The following CLEC4C variants were observed in gnomAD, a reference collection of about 807,000 sequenced individuals.
CLEC4C encodes the protein C-type (calcium dependent, carbohydrate-recognition domain) lectin, superfamily member 11.
In CLEC4C, 17 loss-of-function variants were observed where a neutral mutation model predicts 27.7. The observed-to-expected ratio is 0.61, with a 90% CI of 0.42 to 0.92. The LOEUF (loss-of-function observed/expected upper bound fraction) is 0.92. Among genes scored for constraint, CLEC4C ranks in the 40% least tolerant of loss-of-function variants. The probability of loss-of-function intolerance (pLI) is 0.00; values close to 1 mark genes in which losing one functional copy is unlikely to be tolerated. For missense variants in CLEC4C, 244 were observed against 257.3 expected (o/e 0.95, Z 0.35); for synonymous variants, 80 against 80.8 (o/e 0.99, Z 0.06).
At chr12:7,732,729 G>A (rs762460914) in intron 4 of CLEC4C, among the ~76,000 whole-genome samples, 3 of 151,632 alleles carry the variant, frequency 2.0e-5, no homozygotes, top group Non-Finnish European at 4.4e-5. Context: ...TTGGGAGGCT[G>A]AGGATGGCGG....
upstream of CLEC4C, among the ~76,000 whole-genome samples, chr12:7,748,931 G>A (rs1233609334): frequency 6.6e-6 from 1 of 152,232 alleles, no homozygotes; most frequent in Non-Finnish European, 1.5e-5. Context: ...TATGACCAGA[G>A]TATTGCAAAA....
chr12:7,730,661 C>G (rs76691875), intron 5 of CLEC4C, 136 bp downstream of exon 5: 1 of 371,522 alleles, frequency 2.7e-6, no homozygotes, highest in Middle Eastern at 8.5e-4. Flanking sequence ...AAAAAAAGCA[C>G]AACCCTTGAT....
chr12:7,747,922 CAA>C (rs36046177), upstream of CLEC4C, among the ~76,000 whole-genome samples: 1 of 104,914 alleles, frequency 9.5e-6, no homozygotes. Flanking sequence ...ACTCCATCTC[CAA>C]AAAAAAAAAA....
chr12:7,739,842 G>A (rs974803584), intron 3 of CLEC4C, among the ~76,000 whole-genome samples: 8 of 139,818 alleles, frequency 5.7e-5, no homozygotes, highest in South Asian at 2.4e-4. Context: ...ACCATAGCTC[G>A]GTAATTTTTT....
At chr12:7,732,714 G>A (rs1224880473) in intron 4 of CLEC4C, among the ~76,000 whole-genome samples, 1 of 151,526 alleles carries the variant, frequency 6.6e-6, no homozygotes, top group Non-Finnish European at 1.5e-5. Flanking sequence ...TATAATCCAA[G>A]CATTTTGGGA....
At chr12:7,739,434 T>C (rs1322213651) in intron 3 of CLEC4C, among the ~76,000 whole-genome samples, 2 of 150,474 alleles carry the variant, frequency 1.3e-5, no homozygotes, top group South Asian at 2.1e-4. Flanking sequence ...AAATAATTGT[T>C]TGATGCCCTT....
chr12:7,735,462 C>T (rs796121280), intron 4 of CLEC4C, among the ~76,000 whole-genome samples: 27 of 149,014 alleles, frequency 1.8e-4, no homozygotes, highest in African/African-American at 6.2e-4. Context: ...GAGATCTTGC[C>T]ACTGCACTCC....
In CLEC4C at chr12:7,730,363, G is replaced by A. The variant is rs764560762; in HGVS notation, c.497+434C>T. Among the ~76,000 whole-genome samples the A allele has an allele frequency of 7.9e-5, 12 of 152,246 alleles. No individual in the cohort carries two copies. In the East Asian group the frequency reaches 2.3e-3, roughly 29 times the overall value. Reference sequence around the variant, plus strand: ...TTTGTAAAGAAATACATAAATGGCCGGGGATGGTGGCTCACACCTGTAATC... The same window carrying A: ...TTTGTAAAGAAATACATAAATGGCCAGGGATGGTGGCTCACACCTGTAATC... On this transcript the variant is annotated intron_variant, in intron 5 of 5. Transcript: ENST00000360345.
At chr12:7,740,910 G>A (rs964043219) in intron 3 of CLEC4C, among the ~76,000 whole-genome samples, 1 of 150,530 alleles carries the variant, frequency 6.6e-6, no homozygotes, top group Non-Finnish European at 1.5e-5. Context: ...GCGCGATCTC[G>A]GCTCACTGCA....
chr12:7,745,472 A>T (rs1337512487), intron 2 of CLEC4C, among the ~76,000 whole-genome samples: 1 of 107,180 alleles, frequency 9.3e-6, no homozygotes, highest in Non-Finnish European at 1.7e-5. Context: ...TCACTCTGTC[A>T]CCCAGGCTGG....
intron 3 of CLEC4C, 46 bp downstream of exon 3, chr12:7,741,375 T>C (rs746065397): frequency 2.7e-5 from 28 of 1,048,534 alleles, no homozygotes; most frequent in African/African-American, 3.1e-5. Flanking sequence ...GACTAGGAAT[T>C]TGATTAATAG....
At chr12:7,745,584 C>T (rs887025932) in intron 2 of CLEC4C, among the ~76,000 whole-genome samples, 1 of 151,538 alleles carries the variant, frequency 6.6e-6, no homozygotes, top group African/African-American at 2.4e-5. Context: ...AGGCGCGAGT[C>T]ACTGCACCCA....
Position 7,746,407 on chromosome 12 carries a change from C to T in CLEC4C, c.48G>A (p.Trp16Ter). 6.2e-7 allele frequency: 1 copy of T among 1,612,322 alleles called. No homozygotes were observed. The highest frequency in any genetic ancestry group is 8.5e-7 in the Non-Finnish European group (1 of 1,178,482). Residue 16 changes from tryptophan (W) to a stop codon, truncating the protein, a stop_gained, in exon 2 of 6, where the codon TGG becomes TGA. Transcript: ENST00000360345. LOFTEE classifies it high-confidence loss of function. Reference protein sequence around the residue: ...EPQDREKGLWWFQLKVWSMAV... With the variant: ...EPQDREKGLW ...CCATGGACCAGACCTTCAACTGGAA[C>T]CACCAGAGTCCTTTCTCTGTCAGAT...
intron 4 of CLEC4C, among the ~76,000 whole-genome samples, chr12:7,735,749 G>C (rs1864711531): frequency 6.6e-6 from 1 of 151,662 alleles, no homozygotes; most frequent in African/African-American, 2.4e-5. Context: ...GTTGCAGTGA[G>C]CTGAGATCGA....
intron 4 of CLEC4C, among the ~76,000 whole-genome samples, chr12:7,732,766 T>C (rs1372172917): frequency 6.6e-6 from 1 of 150,724 alleles, no homozygotes; most frequent in Non-Finnish European, 1.5e-5. Flanking sequence ...ATCAAGACCA[T>C]ACTGGCTAAC....
chr12:7,730,415 T>C (rs1864569815), intron 5 of CLEC4C, among the ~76,000 whole-genome samples: 1 of 152,110 alleles, frequency 6.6e-6, no homozygotes, highest in African/African-American at 2.4e-5. Context: ...CCAAGGCAGG[T>C]GGATCACTTG....
intron 3 of CLEC4C, 129 bp downstream of exon 3, chr12:7,741,292 A>G: frequency 1.6e-6 from 1 of 627,528 alleles, no homozygotes; most frequent in East Asian, 2.7e-5. Flanking sequence ...GATACCAAGT[A>G]GATAGTTAAA....
intron 4 of CLEC4C, among the ~76,000 whole-genome samples, chr12:7,731,950 T>C (rs1864604978): frequency 6.6e-6 from 1 of 152,150 alleles, no homozygotes; most frequent in African/African-American, 2.4e-5. Context: ...TGAGACTCTG[T>C]GTCCAAAAAA....
At chr12:7,742,589 T>C (rs1329498670) in intron 2 of CLEC4C, among the ~76,000 whole-genome samples, 1 of 150,016 alleles carries the variant, frequency 6.7e-6, no homozygotes, top group East Asian at 2.0e-4. Context: ...GGTGGGTGGA[T>C]CATGAGGTCA....
Sources: gnomAD v4.1 joint callset for allele counts (sites outside exome capture counted in the v4.1 genomes callset) on GRCh38, gnomAD v4.1.1 for gene constraint, MANE v1.5 for transcripts, NCBI Gene and HGNC (gene_info 2026-07-23, HGNC 2026-07-21) for gene names.